The following SETD4 variants were observed in gnomAD, a reference collection of about 807,000 sequenced individuals.
SETD4 encodes SET domain containing 4.
SETD4 carries 46 observed loss-of-function variants against 58.3 expected under a neutral mutation model. That is an observed-to-expected ratio of 0.79 (90% CI 0.62 to 1.01). SETD4 has a LOEUF of 1.01. Among genes scored for constraint, SETD4 ranks in the 50% least tolerant of loss-of-function variants. The pLI is 0.00. For synonymous variants in SETD4, 190 were observed against 202.6 expected, an observed-to-expected ratio of 0.94 and a Z score of 0.53; for missense variants, 490 against 523.3, an observed-to-expected ratio of 0.94 and a Z score of 0.62.
At chr21:36,047,834 CAAAAAAAAAAAAAAAAA>C (rs34827028) in intron 5 of SETD4, among the ~76,000 whole-genome samples, 1 of 70,930 alleles carries the variant, frequency 1.4e-5, no homozygotes. Flanking sequence ...ACTAAAAATA[CAAAAAAAAAAAAAAAAA>C]AAAAATTAGC....
At chr21:36,036,401 C>G in intron 10 of SETD4, 150 bp from the exon 11 acceptor site, 1 of 857,142 alleles carries the variant, frequency 1.2e-6, no homozygotes, top group Non-Finnish European at 1.7e-6. Flanking sequence ...CTCTCCAGCT[C>G]CAGAACTTTT....
intron 10 of SETD4, among the ~76,000 whole-genome samples, chr21:36,037,620 A>T (rs1241242317): frequency 6.7e-6 from 1 of 149,428 alleles, no homozygotes; most frequent in African/African-American, 2.5e-5. Flanking sequence ...AAAAAAAAAA[A>T]TAGAAAAGAA....
At position 36,057,189 on chromosome 21, in the gene SETD4, T is replaced by A; in HGVS notation, c.89A>T (p.Lys30Met). ...SESRGVNESHKSEFIELRKWL... is the reference protein window; with the variant it reads ...SESRGVNESHMSEFIELRKWL... ...CTTCCTCAGCTCTATAAATTCAGAC[T>A]TGTGGCTCTCATTCACTATCAGGCA... is the stretch of plus-strand genomic sequence containing the variant. The change falls in exon 3 of 12, where the codon AAG (lysine) becomes ATG (methionine). Residue 30 changes from lysine (K) to methionine (M), a missense_variant. By Grantham distance (95) the Lys-to-Met change is moderately conservative. Coordinates refer to ENST00000332131, the MANE Select transcript of SETD4 (RefSeq NM_017438.5). 1 of 1,614,044 alleles carries A rather than the reference T, an allele frequency of 6.2e-7. No individual in the cohort carries two copies. Among genetic ancestry groups the A allele is most frequent in the Admixed American group, 1.7e-5 (1 of 60,034 alleles).
chr21:36,037,162 G>A (rs2063818557), intron 10 of SETD4, among the ~76,000 whole-genome samples: 1 of 152,150 alleles, frequency 6.6e-6, no homozygotes, highest in African/African-American at 2.4e-5. Context: ...AAATTGCTAA[G>A]TGCAGATTTT....
In SETD4 at chr21:36,040,568, AACTT is replaced by A. The variant is rs1326170882; in HGVS notation, c.1064+3_1064+6del. Reference sequence around the variant, plus strand: ...TACAGCTTAAGACCAACACATGTGAAACTTACAATTTCTCAGCTTCCAGACATAA... The same window carrying A: ...TACAGCTTAAGACCAACACATGTGAAACAATTTCTCAGCTTCCAGACATAA... On this transcript the variant is annotated splice_donor_5th_base_variant and intron_variant, in intron 9 of 11. Transcript: ENST00000332131. The A allele has an allele frequency of 1.9e-6, 3 of 1,612,592 alleles. No individual in the cohort carries two copies. The highest frequency in any genetic ancestry group is 2.5e-6 in the Non-Finnish European group (3 of 1,178,796).
intron 2 of SETD4, among the ~76,000 whole-genome samples, chr21:36,057,672 A>G (rs1461844432): frequency 6.6e-6 from 1 of 152,266 alleles, no homozygotes; most frequent in Non-Finnish European, 1.5e-5. Flanking sequence ...AGCCTAGAAT[A>G]GCCCCAATAT....
chr21:36,055,688 A>G (rs538159266), intron 3 of SETD4, among the ~76,000 whole-genome samples: 5 of 152,346 alleles, frequency 3.3e-5, no homozygotes, highest in South Asian at 4.1e-4. Flanking sequence ...CAGAACTGTA[A>G]GCACTGGGCA....
At position 36,057,092 on chromosome 21, in the gene SETD4, T is replaced by C. The variant is rs780855119; in HGVS notation, c.169+17A>G. 2.4e-5 allele frequency: 38 copies of C among 1,610,036 alleles called. No homozygotes were observed. The highest frequency in any genetic ancestry group is 3.2e-5 in the Non-Finnish European group (38 of 1,176,392). ...CTCGTGTGGGAAAGGGCAGGACAGC[T>C]GAAGGCTAGATCTTACCTGGAAAAC... On this transcript the variant is annotated intron_variant, in intron 3 of 11. Transcript: ENST00000332131.
intron 1 of SETD4, 119 bp downstream of exon 1, chr21:36,060,228 G>T: frequency 1.5e-6 from 1 of 653,510 alleles, no homozygotes; most frequent in Non-Finnish European, 1.9e-6. Context: ...GAGGGGACCT[G>T]CGACCTAAAC....
rs2064302373 is a variant in SETD4 at position 36,045,870 on chromosome 21, T to C, written c.438A>G (p.Glu146=). 1.2e-6 allele frequency: 2 copies of C among 1,614,078 alleles called. No homozygotes were observed. Among genetic ancestry groups the C allele is most frequent in the South Asian group, 2.2e-5 (2 of 91,092 alleles). Residue 146 remains glutamate, a synonymous_variant, in exon 6 of 12, where the codon GAA becomes GAG. Coordinates refer to ENST00000332131, the MANE Select transcript of SETD4 (RefSeq NM_017438.5). ...AYTCPVCLEP[E]VVNLLPKSLK... Reference sequence around the variant, plus strand: ...AAGATTTGGGAAGAAGGTTCACCACTTCCGGCTCCAAACAAACAGGGCAGG... The same window carrying C: ...AAGATTTGGGAAGAAGGTTCACCACCTCCGGCTCCAAACAAACAGGGCAGG...
Position 36,048,329 on chromosome 21 carries a change from T to C in SETD4, c.275A>G (p.Tyr92Cys). Residue 92 changes from tyrosine (Y) to cysteine (C), a missense_variant, in exon 5 of 12, where the codon TAC (tyrosine) becomes TGC (cysteine). Transcript: ENST00000332131. ...TTACTTAGTAATGTATGCCCCTAAG[T>C]AGCTTCGAATCACTGTGTCCGTGGT... ...LLTTDTVIRSYLGAYITKWKP... is the reference protein window; with the variant it reads ...LLTTDTVIRSCLGAYITKWKP... The C allele has an allele frequency of 8.7e-6, 14 of 1,614,078 alleles. No homozygotes were observed. Among genetic ancestry groups the C allele is most frequent in the Non-Finnish European group, 1.1e-5 (13 of 1,180,004 alleles).
intron 3 of SETD4, 39 bp downstream of exon 3, chr21:36,057,070 G>T: frequency 1.9e-6 from 3 of 1,540,468 alleles, no homozygotes; most frequent in Non-Finnish European, 1.8e-6. Flanking sequence ...CCTGGCTCTC[G>T]TGTGGGAAAG....
At position 36,037,604 on chromosome 21, in the gene SETD4, CA is replaced by C. The variant is rs761175944; in HGVS notation, c.1188+545del. ...TGGGAGACAGAGCAAGACTCTGTCT[CA>C]AAAAAAAAAAAAAAATAGAAAAGAA... On this transcript the variant is annotated intron_variant, in intron 10 of 11. Transcript: ENST00000332131. Among the ~76,000 whole-genome samples, 603 of 62,728 alleles carry C rather than the reference CA, an allele frequency of 9.6e-3. 6 individuals carry two copies. Among genetic ancestry groups the C allele is most frequent in the African/African-American group, 0.03 (505 of 16,560 alleles). 41.2% of individuals were successfully genotyped at this position (62,728 alleles called of 152,430 possible).
chr21:36,053,860 C>T (rs1438185402), intron 3 of SETD4, among the ~76,000 whole-genome samples: 1 of 152,130 alleles, frequency 6.6e-6, no homozygotes, highest in African/African-American at 2.4e-5. Context: ...ACCTAAAGAG[C>T]ACCGTGGACT....
intron 5 of SETD4, among the ~76,000 whole-genome samples, chr21:36,047,786 C>CA (rs1411164500): frequency 7.9e-6 from 1 of 125,810 alleles, no homozygotes; most frequent in Non-Finnish European, 1.6e-5. Flanking sequence ...GTCAGGAGCT[C>CA]AAGACGAGCC....
At position 36,041,788 on chromosome 21, in the gene SETD4, G is replaced by A; in HGVS notation, c.983+19C>T. ...ATTTCCTAAAGGAATAATTTTAAGA[G>A]GGAAAGAGAAACACTTACTCTATAT... On this transcript the variant is annotated intron_variant, in intron 8 of 11. Coordinates refer to ENST00000332131, the MANE Select transcript of SETD4 (RefSeq NM_017438.5). 6.9e-7 allele frequency: 1 copy of A among 1,441,016 alleles called. No homozygotes were observed. The allele number at this position is 1,441,016 out of a possible 1,614,324, so 89.3% of individuals were successfully genotyped here.
chr21:36,054,798 G>A (rs1357113020), intron 3 of SETD4, among the ~76,000 whole-genome samples: 3 of 144,468 alleles, frequency 2.1e-5, no homozygotes, highest in Non-Finnish European at 4.6e-5. Context: ...CTGGCTCATG[G>A]TGGGAATTCC....
chr21:36,058,088 G>GA (rs1305408849), intron 2 of SETD4, among the ~76,000 whole-genome samples: 2 of 152,208 alleles, frequency 1.3e-5, no homozygotes, highest in Admixed American at 6.5e-5. Context: ...ACCAGAAAAA[G>GA]AAAGTTGGGA....
Position 36,036,028 on chromosome 21 carries a change from A to G in SETD4, c.*32+57T>C, listed in dbSNP as rs183948948. ...TGAGTAGACACAACTCATCGACTCTAAACTATATAAATTTAGTCCATCAAA... is the reference window on the plus strand; with the variant it reads ...TGAGTAGACACAACTCATCGACTCTGAACTATATAAATTTAGTCCATCAAA... On this transcript the variant is annotated intron_variant, in intron 11 of 11. Coordinates refer to ENST00000332131, the MANE Select transcript of SETD4 (RefSeq NM_017438.5). The G allele has an allele frequency of 6.6e-6, 10 of 1,517,458 alleles. No homozygotes were observed. The East Asian group carries it at 1.8e-4, about 27-fold the overall frequency. The allele number at this position is 1,517,458 out of a possible 1,614,324, so 94.0% of individuals were successfully genotyped here.
Sources: allele counts gnomAD v4.1 joint callset (sites outside exome capture counted in the v4.1 genomes callset), GRCh38; gene constraint gnomAD v4.1.1; transcripts MANE v1.5; gene names NCBI Gene and HGNC (gene_info 2026-07-23, HGNC 2026-07-21).